CHL1: variants seen among roughly 807,000 people sequenced by gnomAD.
The protein encoded by CHL1 is neural cell adhesion molecule L1-like protein.
Under a neutral mutation model 141.9 loss-of-function variants are expected in CHL1, and 96 were observed. The observed-to-expected ratio is 0.68, with a 90% confidence interval of 0.57 to 0.80. The LOEUF (loss-of-function observed/expected upper bound fraction) is 0.80. CHL1 is among the 30% of genes least tolerant of loss of function. CHL1 has a pLI of 0.00. For synonymous variants in CHL1, 613 were observed against 502.2 expected (o/e 1.22, Z -2.95); for missense variants, 1,820 against 1,457.2 (o/e 1.25, Z -4.05).
chr3:293,921 C>T (rs964078475), intron 2 of CHL1, among the ~76,000 whole-genome samples: 3 of 151,802 alleles, frequency 2.0e-5, no homozygotes, highest in South Asian at 4.2e-4. Flanking sequence ...GCCACCACAC[C>T]CAGCTAATTT....
At chr3:217,250 C>T (rs1168947301) in intron 1 of CHL1, among the ~76,000 whole-genome samples, 1 of 152,022 alleles carries the variant, frequency 6.6e-6, no homozygotes, top group African/African-American at 2.4e-5. Context: ...ACAGGTCTCT[C>T]CAAGCAAAGG....
In CHL1 at chr3:363,311, G is replaced by T. The variant is rs1324697699; in HGVS notation, c.1513G>T (p.Ala505Ser). 3.1e-6 allele frequency: 5 copies of T among 1,613,638 alleles called. No individual in the cohort carries two copies. In the African/African-American group the frequency reaches 5.3e-5, roughly 17 times the overall value. The change falls in exon 14 of 28, where the codon GCT (alanine) becomes TCT (serine). Residue 505 changes from alanine (A) to serine (S), a missense_variant. Transcript: ENST00000256509. ...LQINRTTEED[A>S]GSYSCWVENA... ...GATCAACAGAACCACCGAAGAAGAT[G>T]CTGGGTCTTACTCATGTTGGGTAGA... is the stretch of plus-strand genomic sequence containing the variant.
intron 16 of CHL1, among the ~76,000 whole-genome samples, chr3:380,781 A>G (rs1425911067): frequency 6.6e-6 from 1 of 152,238 alleles, no homozygotes; most frequent in East Asian, 1.9e-4. Context: ...CTTTTTCTAT[A>G]ACCATAAGAC....
At chr3:282,981 T>C (rs933111739) in intron 2 of CHL1, among the ~76,000 whole-genome samples, 13 of 152,318 alleles carry the variant, frequency 8.5e-5, no homozygotes, top group African/African-American at 2.6e-4. Flanking sequence ...AGCCCTGCTT[T>C]TGGGGCATCT....
At chr3:346,562 A>C (rs1344390255) in intron 9 of CHL1, among the ~76,000 whole-genome samples, 1 of 152,170 alleles carries the variant, frequency 6.6e-6, no homozygotes, top group Non-Finnish European at 1.5e-5. Context: ...AAATGCTCTC[A>C]TGTGCTTTTT....
rs1708031119 is a variant in CHL1, at chr3:389,265, T to C, written c.2261T>C (p.Met754Thr). The change falls in exon 20 of 28, where the codon ATG becomes ACG. Residue 754 changes from methionine to threonine, a missense_variant. By Grantham distance (81) the Met-to-Thr change is moderately conservative. Transcript: ENST00000256509. ...MIIKWEPLKS[M>T]EQNGPGLEYR... ...CTTCTGTTTTAGCCTTTGAAATCCATGGAGCAGAATGGACCAGGCCTAGAG... is the reference window on the plus strand; with the variant it reads ...CTTCTGTTTTAGCCTTTGAAATCCACGGAGCAGAATGGACCAGGCCTAGAG... The C allele has an allele frequency of 6.2e-7, 1 of 1,608,228 alleles. No homozygotes were observed. Among genetic ancestry groups the C allele is most frequent in the Non-Finnish European group, 8.5e-7 (1 of 1,176,844 alleles).
chr3:370,576 T>G lies in CHL1; in HGVS notation c.1751+4461T>G, dbSNP rs1283590003. Among the ~76,000 whole-genome samples the G allele has an allele frequency of 2.0e-5, 3 of 152,104 alleles. No homozygotes were observed. The East Asian group carries it at 5.8e-4, about 29-fold the overall frequency. ...CAGCTCCTGGATTCATTTATTTTTT[T>G]GGAGGGTTTTTCATATCTCTGTCTC... On this transcript the variant is annotated intron_variant, in intron 15 of 27. Transcript: ENST00000256509.
intron 1 of CHL1, among the ~76,000 whole-genome samples, chr3:223,968 G>A (rs1701098418): frequency 6.6e-6 from 1 of 152,172 alleles, no homozygotes; most frequent in Non-Finnish European, 1.5e-5. Context: ...CCAAATGCAA[G>A]AGTCTGAAAA....
At chr3:278,948 A>C (rs1696395456) in intron 2 of CHL1, among the ~76,000 whole-genome samples, 1 of 152,182 alleles carries the variant, frequency 6.6e-6, no homozygotes. Context: ...TTGCCTTTCG[A>C]ATGGTTTCAA....
intron 10 of CHL1, among the ~76,000 whole-genome samples, chr3:349,915 T>C (rs142900597): frequency 3.1e-4 from 47 of 151,860 alleles, no homozygotes; most frequent in East Asian, 3.1e-3. Context: ...AGTATTAAAA[T>C]GAGCCTGGAA....
At chr3:321,134 G>C (rs991334481) in intron 3 of CHL1, among the ~76,000 whole-genome samples, 2 of 151,944 alleles carry the variant, frequency 1.3e-5, no homozygotes, top group Non-Finnish European at 2.9e-5. Flanking sequence ...ACTATTCTAA[G>C]GGCCACCTTA....
intron 2 of CHL1, among the ~76,000 whole-genome samples, chr3:314,329 GTATATA>G (rs56292297): frequency 0.093 from 6,044 of 65,070 alleles, 350 homozygotes; most frequent in East Asian, 0.31. Context: ...CTCTCTATGT[GTATATA>G]TATATATATA....
rs139393727 is a variant in CHL1, at chr3:377,582, G to A, written c.1752-236G>A. Among the ~76,000 whole-genome samples, 20 of 152,282 alleles carry A rather than the reference G, an allele frequency of 1.3e-4. 1 individual carries two copies. Among genetic ancestry groups the A allele is most frequent in the African/African-American group, 4.6e-4 (19 of 41,566 alleles). On this transcript the variant is annotated intron_variant, in intron 15 of 27. Transcript: ENST00000256509. ...ACTGACCCATGCAAACAGATGGTTA[G>A]ATTTCATAATTTTTAATGTGATTTT...
intron 15 of CHL1, among the ~76,000 whole-genome samples, chr3:369,603 T>C (rs1705364912): frequency 2.0e-5 from 3 of 152,232 alleles, no homozygotes; most frequent in African/African-American, 4.8e-5. Flanking sequence ...TTCTTTTGCC[T>C]GATGGCCCTG....
intron 14 of CHL1, 78 bp downstream of exon 14, chr3:363,461 A>G: frequency 2.3e-6 from 3 of 1,287,046 alleles, no homozygotes; most frequent in Admixed American, 4.4e-5. Flanking sequence ...ATGGAATAAT[A>G]CCATTTAAGT....
chr3:336,336 A>G (rs1244423829), intron 5 of CHL1, among the ~76,000 whole-genome samples: 1 of 152,110 alleles, frequency 6.6e-6, no homozygotes, highest in East Asian at 1.9e-4. Flanking sequence ...GTTGCATAAC[A>G]TGGTAGCGGT....
chr3:365,849 G>T, intron 14 of CHL1, 101 bp from the exon 15 acceptor site: 1 of 788,762 alleles, frequency 1.3e-6, no homozygotes, highest in Non-Finnish European at 2.0e-6. Flanking sequence ...CATGAGGATT[G>T]GACAGTTATG....
chr3:348,788 G>A (rs1312849458), intron 9 of CHL1, among the ~76,000 whole-genome samples: 1 of 152,204 alleles, frequency 6.6e-6, no homozygotes, highest in Non-Finnish European at 1.5e-5. Flanking sequence ...GGCAGTATCT[G>A]TGCTGCAGAT....
intron 10 of CHL1, among the ~76,000 whole-genome samples, chr3:351,145 T>C (rs183128665): frequency 5.9e-5 from 9 of 152,276 alleles, no homozygotes; most frequent in Non-Finnish European, 1.2e-4. Context: ...TTCTTGACTA[T>C]AAAACCAAAC....
Sources: gnomAD v4.1 joint callset for allele counts (sites outside exome capture counted in the v4.1 genomes callset) on GRCh38, gnomAD v4.1.1 for gene constraint, MANE v1.5 for transcripts, NCBI Gene and HGNC (gene_info 2026-07-23, HGNC 2026-07-21) for gene names.